MCC: variants seen among roughly 807,000 people sequenced by gnomAD.
MCC encodes colorectal mutant cancer protein.
In MCC, 90 loss-of-function variants were observed where a neutral mutation model predicts 116.2. The observed-to-expected ratio is 0.77, with a 90% confidence interval of 0.65 to 0.92. The LOEUF is 0.92. Among genes scored for constraint, MCC ranks in the 40% least tolerant of loss-of-function variants. The probability of loss-of-function intolerance (pLI) is 0.00; values close to 1 mark genes in which losing one functional copy is unlikely to be tolerated. For missense variants in MCC, 1,516 were observed against 1,312.2 expected, an observed-to-expected ratio of 1.16 and a Z score of -2.40; for synonymous variants, 578 against 510.5, an observed-to-expected ratio of 1.13 and a Z score of -1.78.
chr5:113,276,492 C>T (rs1765829895), intron 3 of MCC, among the ~76,000 whole-genome samples: 1 of 152,124 alleles, frequency 6.6e-6, no homozygotes, highest in African/African-American at 2.4e-5. Flanking sequence ...TTCCTTTGAT[C>T]TGCCCTAAAG....
intron 3 of MCC, among the ~76,000 whole-genome samples, chr5:113,173,858 C>T (rs1761193544): frequency 6.6e-6 from 1 of 152,176 alleles, no homozygotes; most frequent in South Asian, 2.1e-4. Context: ...CCTGAATGCA[C>T]TTGGTGTGTG....
intron 2 of MCC, among the ~76,000 whole-genome samples, chr5:113,379,458 G>A (rs1376341553): frequency 6.6e-6 from 1 of 152,238 alleles, no homozygotes; most frequent in South Asian, 2.1e-4. Flanking sequence ...TATAATGTTT[G>A]TGTTACCGCT....
chr5:113,306,305 A>G (rs1023961608), intron 3 of MCC, among the ~76,000 whole-genome samples: 1 of 152,204 alleles, frequency 6.6e-6, no homozygotes, highest in Non-Finnish European at 1.5e-5. Flanking sequence ...GGGCAATTTT[A>G]TCTTTAAGAT....
intron 6 of MCC, among the ~76,000 whole-genome samples, chr5:113,110,925 T>C (rs1192330151): frequency 6.6e-6 from 1 of 152,210 alleles, no homozygotes; most frequent in Non-Finnish European, 1.5e-5. Flanking sequence ...ACCACAGCCA[T>C]GTGCAGAGGG....
At chr5:113,164,698 A>C (rs1407307188) in intron 3 of MCC, among the ~76,000 whole-genome samples, 2 of 152,224 alleles carry the variant, frequency 1.3e-5, no homozygotes, top group Non-Finnish European at 2.9e-5. Context: ...ACAAACTTCC[A>C]AGCTGACCTG....
At position 113,427,669 on chromosome 5, in the gene MCC, C is replaced by T. The variant is rs990415057; in HGVS notation, c.171-42457G>A. ...AATTAATCCATTACACTTAACCTTC[C>T]CGTATTTTACTCCCTGCAAGTCTTG... On this transcript the variant is annotated intron_variant, in intron 1 of 18. Transcript: ENST00000408903. Among the ~76,000 whole-genome samples the T allele has an allele frequency of 7.9e-5, 12 of 152,276 alleles. No homozygotes were observed. The South Asian group carries it at 2.5e-3, about 32-fold the overall frequency.
chr5:113,079,822 T>G (rs1037706896), intron 11 of MCC, among the ~76,000 whole-genome samples: 2 of 152,116 alleles, frequency 1.3e-5, no homozygotes, highest in African/African-American at 4.8e-5. Flanking sequence ...CTAATTAAAC[T>G]AAAGAGCTTC....
intron 16 of MCC, among the ~76,000 whole-genome samples, chr5:113,046,775 G>T (rs944764558): frequency 1.8e-4 from 27 of 146,630 alleles, no homozygotes; most frequent in African/African-American, 6.8e-4. Flanking sequence ...ACTTCCATGT[G>T]AACCCAGATA....
At chr5:113,217,637 GGA>G (rs1346496335) in intron 3 of MCC, among the ~76,000 whole-genome samples, 1 of 152,204 alleles carries the variant, frequency 6.6e-6, no homozygotes, top group African/African-American at 2.4e-5. Context: ...TGGGAATCAA[GGA>G]GGAAAGTGGG....
chr5:113,263,365 T>G (rs1237089471), intron 3 of MCC, among the ~76,000 whole-genome samples: 2 of 152,228 alleles, frequency 1.3e-5, no homozygotes, highest in African/African-American at 4.8e-5. Context: ...ACATTAATTC[T>G]GGATCAGATA....
chr5:113,451,591 A>C (rs1771398058), intron 1 of MCC, among the ~76,000 whole-genome samples: 1 of 152,142 alleles, frequency 6.6e-6, no homozygotes, highest in East Asian at 1.9e-4. Flanking sequence ...AAAATTAGCC[A>C]GGCATGGTGG....
At chr5:113,285,767 T>C (rs1766231840) in intron 3 of MCC, among the ~76,000 whole-genome samples, 2 of 152,224 alleles carry the variant, frequency 1.3e-5, no homozygotes, top group African/African-American at 2.4e-5. Context: ...TTGTGTACTG[T>C]CTATGTATCT....
At chr5:113,250,491 C>T (rs1764754938) in intron 3 of MCC, among the ~76,000 whole-genome samples, 1 of 152,200 alleles carries the variant, frequency 6.6e-6, no homozygotes, top group East Asian at 1.9e-4. Context: ...GCTCCCACAG[C>T]ACGCTGCCTC....
chr5:113,114,203 CT>C (rs1384358652), intron 6 of MCC, among the ~76,000 whole-genome samples: 1 of 152,000 alleles, frequency 6.6e-6, no homozygotes, highest in Non-Finnish European at 1.5e-5. Flanking sequence ...TTTGTTTTAC[CT>C]TTTCTGTAAG....
At chr5:113,478,392 T>C (rs1218749201) in intron 1 of MCC, among the ~76,000 whole-genome samples, 2 of 152,160 alleles carry the variant, frequency 1.3e-5, no homozygotes, top group Non-Finnish European at 2.9e-5. Flanking sequence ...CGGTTGGATA[T>C]TAGGTATATT....
intron 3 of MCC, among the ~76,000 whole-genome samples, chr5:113,285,228 G>A (rs563319488): frequency 6.8e-4 from 104 of 152,220 alleles, no homozygotes; most frequent in African/African-American, 2.4e-3. Flanking sequence ...GGCATCTGAC[G>A]ATGGATCACT....
rs376715680 is a variant in MCC at position 113,095,259 on chromosome 5, CAA to C, written c.1398+6478_1398+6479del. 2.3e-3 allele frequency among the ~76,000 whole-genome samples: 347 copies of C among 152,188 alleles called. 2 individuals are homozygous for C. The highest frequency in any genetic ancestry group is 8.0e-3 in the African/African-American group (332 of 41,518). On this transcript the variant is annotated intron_variant, in intron 8 of 18. Transcript: ENST00000408903. Reference sequence around the variant, plus strand: ...GAAGGCTACAGGAAAGTGGTCTAAACAAGAGAACAATGACAACTGCCTCCCCT... The same window carrying C: ...GAAGGCTACAGGAAAGTGGTCTAAACGAGAACAATGACAACTGCCTCCCCT...
chr5:113,350,526 T>A (rs1483089660), intron 2 of MCC, among the ~76,000 whole-genome samples: 1 of 152,032 alleles, frequency 6.6e-6, no homozygotes, highest in African/African-American at 2.4e-5. Context: ...TCTCACCATA[T>A]ACAAAAATCA....
At chr5:113,409,151 T>G (rs1769912079) in intron 1 of MCC, among the ~76,000 whole-genome samples, 1 of 152,176 alleles carries the variant, frequency 6.6e-6, no homozygotes, top group Non-Finnish European at 1.5e-5. Context: ...ACCCTATATT[T>G]GTCTTTCTCC....
Sources: gnomAD v4.1 joint callset for allele counts (sites outside exome capture counted in the v4.1 genomes callset) on GRCh38, gnomAD v4.1.1 for gene constraint, MANE v1.5 for transcripts, NCBI Gene and HGNC (gene_info 2026-07-23, HGNC 2026-07-21) for gene names.